The following TUBGCP3 variants were observed in gnomAD, a reference collection of about 807,000 sequenced individuals.
The protein encoded by TUBGCP3 is gamma-tubulin complex component 3.
TUBGCP3 carries 50 observed loss-of-function variants against 123.1 expected under a neutral mutation model. That is an observed-to-expected ratio of 0.41 (90% CI 0.32 to 0.51). TUBGCP3 has a LOEUF of 0.51. Among genes scored for constraint, TUBGCP3 ranks in the 20% least tolerant of loss-of-function variants. The probability of loss-of-function intolerance (pLI) is 0.36; values close to 1 mark genes in which losing one functional copy is unlikely to be tolerated. For synonymous variants in TUBGCP3, 405 were observed against 413.9 expected (o/e 0.98, Z 0.26); for missense variants, 882 against 1,127.0 (o/e 0.78, Z 3.11).
chr13:112,520,590 G>A (rs1042746561), intron 14 of TUBGCP3, among the ~76,000 whole-genome samples: 5 of 152,130 alleles, frequency 3.3e-5, no homozygotes, highest in African/African-American at 1.2e-4. Flanking sequence ...ACTTAAATGT[G>A]CTATACATGT....
intron 13 of TUBGCP3, among the ~76,000 whole-genome samples, chr13:112,523,394 G>A (rs975556720): frequency 6.6e-6 from 1 of 152,184 alleles, no homozygotes; most frequent in Non-Finnish European, 1.5e-5. Context: ...TTCCGAATAA[G>A]AAAGCAGTTA....
intron 10 of TUBGCP3, chr13:112,547,201 G>C: frequency 2.6e-6 from 1 of 380,846 alleles, no homozygotes; most frequent in Non-Finnish European, 4.6e-6. Context: ...AAAGCAAAAT[G>C]CAAGGAAAGG....
intron 20 of TUBGCP3, among the ~76,000 whole-genome samples, chr13:112,494,250 G>A (rs1296172756): frequency 6.6e-6 from 1 of 152,206 alleles, no homozygotes; most frequent in African/African-American, 2.4e-5. Flanking sequence ...CTAGGAGAGA[G>A]AATGCTGGGT....
intron 13 of TUBGCP3, among the ~76,000 whole-genome samples, chr13:112,526,529 C>A (rs992425187): frequency 1.1e-4 from 16 of 151,254 alleles, no homozygotes; most frequent in Non-Finnish European, 2.2e-4. Context: ...CTGCCACCAC[C>A]ATGCCATCAT....
At chr13:112,562,360 G>A (rs994890330) in intron 3 of TUBGCP3, among the ~76,000 whole-genome samples, 3 of 152,244 alleles carry the variant, frequency 2.0e-5, no homozygotes, top group Non-Finnish European at 4.4e-5. Context: ...TAATGACCCT[G>A]AGACCAGAGA....
At chr13:112,533,707 A>C (rs1423340188) in intron 11 of TUBGCP3, among the ~76,000 whole-genome samples, 1 of 150,758 alleles carries the variant, frequency 6.6e-6, no homozygotes, top group Non-Finnish European at 1.5e-5. Flanking sequence ...TTATTTATTT[A>C]TTTAAAAAAT....
Position 112,578,746 on chromosome 13 carries a change from C to A in TUBGCP3, c.76+9159G>T, listed in dbSNP as rs1271802061. Among the ~76,000 whole-genome samples the A allele has an allele frequency of 2.6e-5, 4 of 151,978 alleles. No individual in the cohort carries two copies. In the East Asian group the frequency reaches 7.7e-4, roughly 29 times the overall value. ...TAGTCTGGGCTTCCAGAGCTCAGGG[C>A]CTTCACAGCCTCCATACTTAGCGAT... On this transcript the variant is annotated intron_variant, in intron 1 of 21. Transcript: ENST00000261965.
At chr13:112,486,173 A>G (rs563180589) in intron 21 of TUBGCP3, 22 bp from the exon 22 acceptor site, 2 of 1,609,714 alleles carry the variant, frequency 1.2e-6, no homozygotes, top group African/African-American at 2.7e-5. Context: ...CAAAAGGAGT[A>G]AAATATTGTT....
intron 14 of TUBGCP3, 64 bp from the exon 15 acceptor site, chr13:112,520,085 G>GTA: frequency 6.8e-7 from 1 of 1,473,402 alleles, no homozygotes; most frequent in Non-Finnish European, 9.2e-7. Context: ...TTTAAAAAAC[G>GTA]TATAAACTAT....
At chr13:112,504,269 C>A (rs1881130130) in intron 18 of TUBGCP3, 106 bp from the exon 19 acceptor site, 1 of 1,432,124 alleles carries the variant, frequency 7.0e-7, no homozygotes, top group Non-Finnish European at 9.5e-7. Context: ...GGGCAGATCA[C>A]CTGAGATCAG....
intron 9 of TUBGCP3, 32 bp from the exon 10 acceptor site, chr13:112,547,784 T>C: frequency 2.1e-6 from 3 of 1,420,460 alleles, no homozygotes; most frequent in Non-Finnish European, 2.8e-6. Flanking sequence ...AATGTTTAAG[T>C]ACAAATAACC....
At chr13:112,506,152 C>T (rs1371925129) in intron 17 of TUBGCP3, among the ~76,000 whole-genome samples, 3 of 152,130 alleles carry the variant, frequency 2.0e-5, no homozygotes, top group Non-Finnish European at 2.9e-5. Context: ...CAGACTTAGA[C>T]AATGCACCTT....
chr13:112,580,251 A>T (rs766853783), intron 1 of TUBGCP3, among the ~76,000 whole-genome samples: 3 of 152,226 alleles, frequency 2.0e-5, no homozygotes, highest in Non-Finnish European at 4.4e-5. Context: ...TGGAGATACT[A>T]AAGGACAATT....
chr13:112,551,345 T>C (rs896382116), intron 8 of TUBGCP3, among the ~76,000 whole-genome samples: 2 of 151,932 alleles, frequency 1.3e-5, no homozygotes, highest in African/African-American at 4.8e-5. Flanking sequence ...TACAAAACAG[T>C]ATCTTCATTC....
At chr13:112,601,407 T>C in the TUBGCP3 span, among the ~76,000 whole-genome samples, 2 of 152,152 alleles carry the variant, frequency 1.3e-5, no homozygotes, top group African/African-American at 2.4e-5. Flanking sequence ...AGTGTTCTCA[T>C]TCTGTCGCCC....
intron 1 of TUBGCP3, among the ~76,000 whole-genome samples, chr13:112,582,165 G>GA (rs1408974833): frequency 1.1e-4 from 17 of 152,204 alleles, no homozygotes; most frequent in African/African-American, 2.6e-4. Context: ...AATAAGCTGG[G>GA]AAAAAATCAA....
chr13:112,579,157 AACAC>A (rs113223786), intron 1 of TUBGCP3, among the ~76,000 whole-genome samples: 5 of 151,638 alleles, frequency 3.3e-5, no homozygotes, highest in African/African-American at 9.7e-5. Flanking sequence ...ATGAATGGCA[AACAC>A]ACACACACAC....
At position 112,527,395 on chromosome 13, in the gene TUBGCP3, C is replaced by G. The variant is rs1308945057; in HGVS notation, c.1425G>C (p.Met475Ile). 6.3e-7 allele frequency: 1 copy of G among 1,588,824 alleles called. No homozygotes were observed. Among genetic ancestry groups the G allele is most frequent in the Non-Finnish European group, 8.5e-7 (1 of 1,170,486 alleles). The part of the protein sequence containing the change: ...TLRKSMIPSF[M>I]TMDQSRKVLL... ...CTACCTTCCTAGACTGATCCATCGT[C>G]ATAAACGAAGGAATCATCGATTTCC... Residue 475 changes from methionine to isoleucine, a missense_variant, in exon 12 of 22, where the codon ATG (methionine) becomes ATC (isoleucine). This residue lies in a region of TUBGCP3 where 713 missense variants were observed against 874.0 expected (regional missense o/e 0.82). Transcript: ENST00000261965.
At chr13:112,578,352 G>T (rs1428367947) in intron 1 of TUBGCP3, among the ~76,000 whole-genome samples, 1 of 151,464 alleles carries the variant, frequency 6.6e-6, no homozygotes. Context: ...GAGGTCAGGA[G>T]ATCGAGACCA....
Sources: allele counts gnomAD v4.1 joint callset (sites outside exome capture counted in the v4.1 genomes callset), GRCh38; gene constraint gnomAD v4.1.1; regional missense constraint gnomAD v4.1.1; transcripts MANE v1.5; gene names NCBI Gene and HGNC (gene_info 2026-07-23, HGNC 2026-07-21).